WAPL: variants seen among roughly 807,000 people sequenced by gnomAD.
WAPL encodes WAPL cohesin release factor.
In WAPL, 5 loss-of-function variants were observed where a neutral mutation model predicts 121.0. That is an observed-to-expected ratio of 0.04 (90% CI 0.02 to 0.09). The LOEUF is 0.09. WAPL is among the 10% of genes least tolerant of loss of function. The probability of loss-of-function intolerance (pLI) is 1.00; values close to 1 mark genes in which losing one functional copy is unlikely to be tolerated. For missense variants in WAPL, 999 were observed against 1,410.8 expected, an observed-to-expected ratio of 0.71 and a Z score of 4.68; for synonymous variants, 480 against 481.5, an observed-to-expected ratio of 1.00 and a Z score of 0.04.
chr10:86,451,103 T>C (rs1840967163), intron 15 of WAPL, among the ~76,000 whole-genome samples: 1 of 151,754 alleles, frequency 6.6e-6, no homozygotes, highest in African/African-American at 2.4e-5. Context: ...CCTGGATTCT[T>C]GACTTTTTTT....
At chr10:86,505,736 A>C (rs1842337670) in intron 2 of WAPL, among the ~76,000 whole-genome samples, 1 of 152,184 alleles carries the variant, frequency 6.6e-6, no homozygotes, top group Non-Finnish European at 1.5e-5. Context: ...AAATACTATA[A>C]TCATTAGGAT....
intron 4 of WAPL, among the ~76,000 whole-genome samples, chr10:86,496,330 T>C (rs1198579970): frequency 6.6e-6 from 1 of 152,148 alleles, no homozygotes; most frequent in South Asian, 2.1e-4. Context: ...GGCCCTCATA[T>C]GTTGCTGGTA....
intron 9 of WAPL, among the ~76,000 whole-genome samples, chr10:86,462,721 CAAAAAAA>C (rs59998538): frequency 1.2e-5 from 1 of 80,646 alleles, no homozygotes; most frequent in Non-Finnish European, 2.4e-5. Flanking sequence ...GATCCCGTCT[CAAAAAAA>C]AAAAAAAAAA....
At chr10:86,518,458 T>C (rs1351291367) in intron 1 of WAPL, among the ~76,000 whole-genome samples, 1 of 152,234 alleles carries the variant, frequency 6.6e-6, no homozygotes, top group East Asian at 1.9e-4. Context: ...ATTATCTGTA[T>C]AGAGGCTGGG....
intron 5 of WAPL, among the ~76,000 whole-genome samples, chr10:86,473,159 A>C (rs577987568): frequency 9.2e-5 from 14 of 152,344 alleles, no homozygotes; most frequent in African/African-American, 2.2e-4. Flanking sequence ...AGTGTGAAGT[A>C]GTTTAGGGTA....
chr10:86,467,634 T>C (rs1841428770), intron 8 of WAPL, 128 bp from the exon 9 acceptor site: 1 of 712,494 alleles, frequency 1.4e-6, no homozygotes, highest in African/African-American at 1.8e-5. Context: ...CTAACCATGT[T>C]GGAAACTTCA....
chr10:86,457,859 A>G (rs1453594165), intron 12 of WAPL, among the ~76,000 whole-genome samples: 4 of 152,202 alleles, frequency 2.6e-5, no homozygotes, highest in Admixed American at 2.6e-4. Flanking sequence ...ATATTTTTTA[A>G]AAGAGTCCTT....
intron 15 of WAPL, 100 bp from the exon 16 acceptor site, chr10:86,446,549 C>G (rs1849624022): frequency 7.2e-6 from 9 of 1,252,298 alleles, no homozygotes; most frequent in Non-Finnish European, 9.8e-6. Flanking sequence ...CTATCACTAA[C>G]TCTAAGATGG....
chr10:86,467,531 GA>G (rs765812391), intron 8 of WAPL, 25 bp from the exon 9 acceptor site: 3 of 1,557,076 alleles, frequency 1.9e-6, no homozygotes, highest in South Asian at 1.2e-5. Context: ...AAAAAGAAAA[GA>G]AAAAAAACTT....
chr10:86,467,737 C>T (rs1029741022), intron 8 of WAPL, among the ~76,000 whole-genome samples: 33 of 149,156 alleles, frequency 2.2e-4, no homozygotes, highest in Admixed American at 2.2e-3. Context: ...AGTGCAGTGG[C>T]GCAATCTCGG....
At chr10:86,492,730 T>G (rs1333749658) in intron 4 of WAPL, among the ~76,000 whole-genome samples, 1 of 152,092 alleles carries the variant, frequency 6.6e-6, no homozygotes, top group Non-Finnish European at 1.5e-5. Context: ...ATGCAGAACT[T>G]TCTGTAAGAC....
Position 86,472,647 on chromosome 10 carries a change from C to G in WAPL, c.1858G>C (p.Val620Leu). 6.2e-7 allele frequency: 1 copy of G among 1,613,926 alleles called. No individual in the cohort carries two copies. The highest frequency in any genetic ancestry group is 8.5e-7 in the Non-Finnish European group (1 of 1,179,912). The change falls in exon 6 of 19, where the codon GTT (valine) becomes CTT (leucine). Residue 620 changes from valine (V) to leucine (L), a missense_variant. Physicochemically the swap from Val to Leu is conservative, Grantham distance 32 (BLOSUM62 1). Around this residue, in one of 7 missense-constraint regions of WAPL, gnomAD observed 74 missense variants for 115.1 expected, o/e 0.64. Coordinates refer to ENST00000298767, the MANE Select transcript of WAPL (RefSeq NM_015045.5). This position sits in a 1 kb window ranked among gnomAD's most constrained non-coding sequence, Gnocchi z 4.2. Reference protein sequence around the residue: ...TIPTQPYQDIVTALKCRREDK... With the variant: ...TIPTQPYQDILTALKCRREDK... ...TCTCGTCTGCATTTCAGTGCAGTAA[C>G]TATATCTTGGTAGGGCTGAGTAGGT...
At chr10:86,513,167 T>C (rs983612612) in intron 2 of WAPL, among the ~76,000 whole-genome samples, 8 of 151,976 alleles carry the variant, frequency 5.3e-5, no homozygotes, top group Non-Finnish European at 1.2e-4. Context: ...GCTAATTTTT[T>C]TGTATTTTTA....
In WAPL at chr10:86,487,775, G is replaced by T. The variant is rs544999051; in HGVS notation, c.1644+9426C>A. On this transcript the variant is annotated intron_variant, in intron 4 of 18. Transcript: ENST00000298767. ...CCGGGCATGGTGGTGGGCGCCTGTA[G>T]TCCCAGCTACTTGGGAGGCTGAGGC... 1.2e-3 allele frequency among the ~76,000 whole-genome samples: 179 copies of T among 152,184 alleles called. 3 individuals are homozygous for T. The highest frequency in any genetic ancestry group is 0.011 in the Admixed American group (173 of 15,272).
At position 86,510,010 on chromosome 10, in the gene WAPL, C is replaced by T. The variant is rs539159550; in HGVS notation, c.499+7561G>A. Among the ~76,000 whole-genome samples, 4 of 151,114 alleles carry T rather than the reference C, an allele frequency of 2.6e-5. No homozygotes were observed. The East Asian group carries it at 7.8e-4, about 29-fold the overall frequency. On this transcript the variant is annotated intron_variant, in intron 2 of 18. Coordinates refer to ENST00000298767, the MANE Select transcript of WAPL (RefSeq NM_015045.5). ...CGAACTGCTGACCTCGTGATCCGCC[C>T]GCCTCGGCCTTCCAAACCGAAGTGC...
chr10:86,506,951 G>A (rs1442017351), intron 2 of WAPL, among the ~76,000 whole-genome samples: 1 of 151,390 alleles, frequency 6.6e-6, no homozygotes, highest in African/African-American at 2.4e-5. Context: ...TTTATAAAAT[G>A]ATTACTCCTC....
At chr10:86,492,555 T>C (rs562556647) in intron 4 of WAPL, among the ~76,000 whole-genome samples, 1 of 152,280 alleles carries the variant, frequency 6.6e-6, no homozygotes, top group Admixed American at 6.5e-5. Flanking sequence ...ACTTCTGATG[T>C]AAAGCATCAT....
intron 9 of WAPL, among the ~76,000 whole-genome samples, chr10:86,462,474 C>G (rs138346550): frequency 1.3e-5 from 2 of 152,172 alleles, no homozygotes; most frequent in East Asian, 3.9e-4. Context: ...AATCCCAGCA[C>G]TTTGGGAGGC....
chr10:86,476,475 G>C (rs189404937), intron 4 of WAPL, among the ~76,000 whole-genome samples: 1 of 152,106 alleles, frequency 6.6e-6, no homozygotes, highest in African/African-American at 2.4e-5. Flanking sequence ...GATCGACTGA[G>C]GTCAGGAGTT....
Sources: gnomAD v4.1 joint callset for allele counts (sites outside exome capture counted in the v4.1 genomes callset) on GRCh38, gnomAD v4.1.1 for gene constraint, gnomAD v4.1.1 regional missense constraint, Gnocchi (gnomAD v3.1) non-coding constraint, MANE v1.5 for transcripts, NCBI Gene and HGNC (gene_info 2026-07-23, HGNC 2026-07-21) for gene names.